Variants in CAMK2D observed in about 807,000 individuals in gnomAD.
CAMK2D encodes calcium/calmodulin-dependent protein kinase type II subunit delta.
CAMK2D carries 37 observed loss-of-function variants against 84.0 expected under a neutral mutation model. The observed-to-expected ratio is 0.44, with a 90% CI of 0.34 to 0.58. The LOEUF (loss-of-function observed/expected upper bound fraction) is 0.58. Ranked by LOEUF, CAMK2D falls within the 20% of genes least tolerant of loss-of-function variation. The pLI, the probability that CAMK2D is intolerant of heterozygous loss-of-function variation, is 0.02. For missense variants in CAMK2D, 448 were observed against 652.5 expected (o/e 0.69, Z 3.41); for synonymous variants, 202 against 212.5 (o/e 0.95, Z 0.43).
At chr4:113,508,376 A>ATAAG in intron 13 of CAMK2D, 2 of 764,832 alleles carry the variant, frequency 2.6e-6, no homozygotes, top group South Asian at 3.2e-5. Context: ...AAGAGGAGCT[A>ATAAG]TAAGTTGAAT....
At chr4:113,747,444 T>C (rs2149007058) in intron 2 of CAMK2D, among the ~76,000 whole-genome samples, 1 of 152,186 alleles carries the variant, frequency 6.6e-6, no homozygotes, top group South Asian at 2.1e-4. Flanking sequence ...TTTCAATAAA[T>C]ACCTGTGGTG....
At chr4:113,472,197 A>G (rs1345536339) in intron 16 of CAMK2D, among the ~76,000 whole-genome samples, 1 of 152,236 alleles carries the variant, frequency 6.6e-6, no homozygotes, top group African/African-American at 2.4e-5. Flanking sequence ...CTGAACACCT[A>G]GTACTGAGTC....
chr4:113,692,011 G>C lies in CAMK2D; in HGVS notation c.161-30239C>G, dbSNP rs944080507. On this transcript the variant is annotated intron_variant, in intron 2 of 20. Transcript: ENST00000511664. The stretch of plus-strand genomic sequence containing the variant: ...AGAAAGTCAACCATGAAACAGTTAC[G>C]AGCAAGAATTAAAATGCTGCTGAGG... Among the ~76,000 whole-genome samples, 11 of 152,258 alleles carry C rather than the reference G, an allele frequency of 7.2e-5. No individual in the cohort carries two copies. In the South Asian group the frequency reaches 1.2e-3, roughly 17 times the overall value.
In CAMK2D at chr4:113,552,106, T is replaced by TA; in HGVS notation, c.276-11dup. The TA allele has an allele frequency of 2.0e-6, 3 of 1,498,358 alleles. No individual in the cohort carries two copies. Among genetic ancestry groups the TA allele is most frequent in the Non-Finnish European group, 2.8e-6 (3 of 1,084,072 alleles). 92.8% of individuals were successfully genotyped at this position (1,498,358 alleles called of 1,614,324 possible). ...TTCACCTCCAGTAACTCTGGGAAGA[T>TA]AAAAAACATAATCACTTTTAAAAAG... On this transcript the variant is annotated splice_polypyrimidine_tract_variant and intron_variant, in intron 4 of 20. Coordinates refer to ENST00000511664, the MANE Select transcript of CAMK2D (RefSeq NM_001321571.2).
chr4:113,592,229 A>G (rs2098892054), intron 4 of CAMK2D, among the ~76,000 whole-genome samples: 1 of 152,158 alleles, frequency 6.6e-6, no homozygotes, highest in African/African-American at 2.4e-5. Context: ...TCCTGTCTGC[A>G]AAGTCCAGGC....
At chr4:113,523,792 T>C (rs2098392480) in intron 8 of CAMK2D, among the ~76,000 whole-genome samples, 1 of 151,612 alleles carries the variant, frequency 6.6e-6, no homozygotes, top group South Asian at 2.1e-4. Context: ...AATAAATAAA[T>C]AAATAAACAA....
intron 4 of CAMK2D, among the ~76,000 whole-genome samples, chr4:113,577,122 T>G (rs2154235818): frequency 6.6e-6 from 1 of 152,244 alleles, no homozygotes; most frequent in South Asian, 2.1e-4. Context: ...TACTTTGGGG[T>G]TTTGGTTTTC....
intron 4 of CAMK2D, among the ~76,000 whole-genome samples, chr4:113,590,052 G>A (rs746284624): frequency 6.6e-6 from 1 of 151,976 alleles, no homozygotes. Context: ...ATATCTTGAA[G>A]AGAGGCACAA....
At chr4:113,689,361 T>C (rs1025219968) in intron 2 of CAMK2D, among the ~76,000 whole-genome samples, 3 of 152,244 alleles carry the variant, frequency 2.0e-5, no homozygotes, top group African/African-American at 4.8e-5. Context: ...ACAAAGCTGT[T>C]TGATGCTGAG....
chr4:113,702,097 T>TGTAC (rs901809985), intron 2 of CAMK2D, among the ~76,000 whole-genome samples: 15 of 152,228 alleles, frequency 9.9e-5, no homozygotes, highest in Non-Finnish European at 1.5e-5. Flanking sequence ...TCCCCTCTAG[T>TGTAC]GTACTTCTAT....
At chr4:113,690,749 G>A (rs1490514713) in intron 2 of CAMK2D, among the ~76,000 whole-genome samples, 1 of 152,142 alleles carries the variant, frequency 6.6e-6, no homozygotes, top group African/African-American at 2.4e-5. Flanking sequence ...TTGAATTAAT[G>A]TATTCACATA....
intron 8 of CAMK2D, among the ~76,000 whole-genome samples, chr4:113,530,751 A>G (rs1354854571): frequency 6.6e-6 from 1 of 152,126 alleles, no homozygotes; most frequent in Non-Finnish European, 1.5e-5. Flanking sequence ...ATCTCCTGGC[A>G]CCTTGATTTT....
At chr4:113,494,815 G>A (rs1390554244) in intron 16 of CAMK2D, among the ~76,000 whole-genome samples, 18 of 152,312 alleles carry the variant, frequency 1.2e-4, no homozygotes, top group Admixed American at 3.3e-4. Context: ...AGGACCCTCC[G>A]AGCCAGGTGC....
chr4:113,584,961 C>T, intron 4 of CAMK2D, among the ~76,000 whole-genome samples: 1 of 152,168 alleles, frequency 6.6e-6, no homozygotes, highest in Admixed American at 6.5e-5. Flanking sequence ...AAGCTGGGAA[C>T]CAGAGGGCTG....
intron 2 of CAMK2D, among the ~76,000 whole-genome samples, chr4:113,732,649 TAA>T (rs2099571995): frequency 1.3e-5 from 2 of 152,212 alleles, no homozygotes; most frequent in African/African-American, 4.8e-5. Context: ...AATTCAATGA[TAA>T]GAGTCCTGCA....
intron 2 of CAMK2D, among the ~76,000 whole-genome samples, chr4:113,692,347 T>A (rs1447895002): frequency 6.6e-6 from 1 of 152,180 alleles, no homozygotes; most frequent in East Asian, 1.9e-4. Flanking sequence ...GTGAAAATTT[T>A]GAGTAATATT....
intron 4 of CAMK2D, among the ~76,000 whole-genome samples, chr4:113,558,759 C>T (rs867810078): frequency 1.4e-5 from 2 of 147,808 alleles, no homozygotes; most frequent in African/African-American, 5.3e-5. Context: ...ATACTCCCTG[C>T]ACTTTGGGAG....
chr4:113,454,528 AG>A lies in CAMK2D; in HGVS notation c.*30-14del. The A allele has an allele frequency of 1.3e-6, 1 of 778,426 alleles. No homozygotes were observed. The highest frequency in any genetic ancestry group is 1.3e-5 in the South Asian group (1 of 74,398). 48.2% of individuals were successfully genotyped at this position (778,426 alleles called of 1,614,324 possible). On this transcript the variant is annotated splice_polypyrimidine_tract_variant and intron_variant, in intron 20 of 20. Coordinates refer to ENST00000511664, the MANE Select transcript of CAMK2D (RefSeq NM_001321571.2). ...TGTTGAAATTTAGCTGAAAGGAGAAAGGGGGAGGAAGAAATAAATTATATTG... is the reference window on the plus strand; with the variant it reads ...TGTTGAAATTTAGCTGAAAGGAGAAAGGGGAGGAAGAAATAAATTATATTG...
chr4:113,679,712 T>C (rs1007334144), intron 2 of CAMK2D, among the ~76,000 whole-genome samples: 1 of 152,160 alleles, frequency 6.6e-6, no homozygotes, highest in Non-Finnish European at 1.5e-5. Flanking sequence ...TCCATTACAA[T>C]AGGAAATCTA....
Sources: allele counts gnomAD v4.1 joint callset (sites outside exome capture counted in the v4.1 genomes callset), GRCh38; gene constraint gnomAD v4.1.1; transcripts MANE v1.5; gene names NCBI Gene and HGNC (gene_info 2026-07-23, HGNC 2026-07-21).